Variants in PAPOLA observed in about 807,000 individuals in gnomAD.
The protein encoded by PAPOLA is polynucleotide adenylyltransferase alpha.
PAPOLA carries 15 observed loss-of-function variants against 100.6 expected under a neutral mutation model. The ratio of observed to expected loss-of-function variants is 0.15; its 90% CI spans 0.10 to 0.23. The LOEUF is 0.23. PAPOLA is among the 10% of genes least tolerant of loss of function. PAPOLA has a pLI of 1.00. For synonymous variants in PAPOLA, 293 were observed against 300.0 expected, an observed-to-expected ratio of 0.98 and a Z score of 0.24; for missense variants, 533 against 884.2, an observed-to-expected ratio of 0.60 and a Z score of 5.04.
chr14:96,558,958 C>CT (rs1247239078), intron 19 of PAPOLA, among the ~76,000 whole-genome samples: 1 of 151,012 alleles, frequency 6.6e-6, no homozygotes, highest in East Asian at 1.9e-4. Flanking sequence ...TTTGATATCT[C>CT]TAAGTGTCCT....
chr14:96,560,319 C>T (rs1473169798), intron 19 of PAPOLA: 1 of 190,684 alleles, frequency 5.2e-6, no homozygotes, highest in Non-Finnish European at 1.1e-5. Context: ...TGCCAAGTTC[C>T]TAAAGTTGTA....
At chr14:96,557,345 C>G (rs1450011462) in intron 19 of PAPOLA, among the ~76,000 whole-genome samples, 8 of 152,250 alleles carry the variant, frequency 5.3e-5, no homozygotes, top group Non-Finnish European at 4.4e-5. Flanking sequence ...CTATGCTTTG[C>G]AAGCTGGTAT....
At position 96,547,936 on chromosome 14, in the gene PAPOLA, T is replaced by C; in HGVS notation, c.1521+18T>C. ...AGAAAAAGGTAAATTTAGAAAGTAC[T>C]TACAAAAGCATTACTAACATAATGT... On this transcript the variant is annotated intron_variant, in intron 16 of 21. Transcript: ENST00000216277. 6.3e-7 allele frequency: 1 copy of C among 1,586,342 alleles called. No individual in the cohort carries two copies. Among genetic ancestry groups the C allele is most frequent in the South Asian group, 1.1e-5 (1 of 87,274 alleles).
intron 1 of PAPOLA, among the ~76,000 whole-genome samples, chr14:96,508,817 T>G (rs542239164): frequency 6.6e-6 from 1 of 152,226 alleles, no homozygotes; most frequent in Non-Finnish European, 1.5e-5. Flanking sequence ...AATGCCAGTT[T>G]ATGATTTACA....
intron 6 of PAPOLA, among the ~76,000 whole-genome samples, chr14:96,529,011 G>A (rs1010159534): frequency 1.3e-5 from 2 of 152,012 alleles, no homozygotes; most frequent in African/African-American, 2.4e-5. Flanking sequence ...TTTTTTGGAA[G>A]GAGACCTGAC....
intron 17 of PAPOLA, among the ~76,000 whole-genome samples, chr14:96,555,544 T>C (rs1209055407): frequency 6.6e-6 from 1 of 152,148 alleles, no homozygotes; most frequent in African/African-American, 2.4e-5. Context: ...TCACTAGTCA[T>C]ATTTTAAGTG....
intron 15 of PAPOLA, among the ~76,000 whole-genome samples, chr14:96,544,768 C>G (rs1222789174): frequency 6.6e-6 from 1 of 152,014 alleles, no homozygotes; most frequent in African/African-American, 2.4e-5. Context: ...GAATCTGTGT[C>G]TAACTGCCTT....
intron 1 of PAPOLA, among the ~76,000 whole-genome samples, chr14:96,515,184 C>G (rs955613764): frequency 6.6e-6 from 1 of 152,098 alleles, no homozygotes; most frequent in East Asian, 1.9e-4. Flanking sequence ...GGCATGTATT[C>G]TATGTGAACT....
chr14:96,502,759 T>TCGCC, intron 1 of PAPOLA, 159 bp downstream of exon 1: 1 of 693,154 alleles, frequency 1.4e-6, no homozygotes, highest in Non-Finnish European at 2.1e-6. Context: ...CCTCGCTCGC[T>TCGCC]CGCCGCCGCA....
In PAPOLA at chr14:96,565,277, C is replaced by A; in HGVS notation, c.*227C>A. 2.4e-6 allele frequency: 1 copy of A among 408,778 alleles called. No homozygotes were observed. The allele number at this position is 408,778 out of a possible 1,614,324, so 25.3% of individuals were successfully genotyped here. ...TTAGCAACAGTTGCATTAACTATTT[C>A]AAAAATTACTGCCTTTAAAAAAAAC... is the stretch of plus-strand genomic sequence containing the variant. On this transcript the variant is annotated 3_prime_UTR_variant, in exon 22 of 22. Transcript: ENST00000216277.
intron 16 of PAPOLA, among the ~76,000 whole-genome samples, chr14:96,549,204 G>C (rs1447007349): frequency 7.9e-5 from 12 of 152,036 alleles, no homozygotes. Context: ...TAGATGGGGA[G>C]GGGTCTAAAA....
chr14:96,502,473 G>T lies in PAPOLA; in HGVS notation c.-120G>T. 1.3e-6 allele frequency: 1 copy of T among 766,682 alleles called. No individual in the cohort carries two copies. The allele number at this position is 766,682 out of a possible 1,614,324, so 47.5% of individuals were successfully genotyped here. A position where few individuals can be genotyped will look rare whatever the true frequency, so the allele number is the denominator to read the frequency against. ...AGCGGCGGGAGCGGTGCGGGAGAGG[G>T]GTTGGACCCAGGGCTGAGGCAGGCC... On this transcript the variant is annotated 5_prime_UTR_variant, in exon 1 of 22. Transcript: ENST00000216277.
chr14:96,509,651 T>C (rs1018066713), intron 1 of PAPOLA, among the ~76,000 whole-genome samples: 1 of 152,234 alleles, frequency 6.6e-6, no homozygotes, highest in Non-Finnish European at 1.5e-5. Flanking sequence ...ACCAATGATA[T>C]GGCCTGTTGC....
intron 6 of PAPOLA, among the ~76,000 whole-genome samples, chr14:96,530,993 G>A (rs1426265526): frequency 6.6e-6 from 1 of 151,192 alleles, no homozygotes; most frequent in Non-Finnish European, 1.5e-5. Flanking sequence ...CACTACACCT[G>A]GCTAATTTTT....
At chr14:96,564,387 C>A (rs1026755047) in intron 21 of PAPOLA, among the ~76,000 whole-genome samples, 1 of 151,942 alleles carries the variant, frequency 6.6e-6, no homozygotes, top group African/African-American at 2.4e-5. Flanking sequence ...TTTTAAAGAT[C>A]CATCTCTGTA....
chr14:96,556,377 T>A lies in PAPOLA; in HGVS notation c.1968T>A (p.His656Gln). 1 of 1,613,662 alleles carries A rather than the reference T, an allele frequency of 6.2e-7. No homozygotes were observed. Among genetic ancestry groups the A allele is most frequent in the Non-Finnish European group, 8.5e-7 (1 of 1,179,712 alleles). The change falls in exon 19 of 22, where the codon CAT becomes CAA. Residue 656 changes from histidine to glutamine, a missense_variant. His to Gln is a conservative substitution (Grantham distance 24). This residue lies in a region of PAPOLA where 242 missense variants were observed against 281.0 expected (regional missense o/e 0.86). Transcript: ENST00000216277. ...GAGTCAAGAGGACATCCTCACCTCATAAAGAAGAGAGTCCCAAGAAAACCA... is the reference window on the plus strand; with the variant it reads ...GAGTCAAGAGGACATCCTCACCTCAAAAAGAAGAGAGTCCCAAGAAAACCA... ...IVGVKRTSSPHKEESPKKTKT... is the reference protein window; with the variant it reads ...IVGVKRTSSPQKEESPKKTKT...
In PAPOLA at chr14:96,556,377, T is replaced by C; in HGVS notation, c.1968T>C (p.His656=). The change falls in exon 19 of 22, where the codon CAT becomes CAC. Residue 656 remains histidine, a synonymous_variant. Coordinates refer to ENST00000216277, the MANE Select transcript of PAPOLA (RefSeq NM_032632.5). ...IVGVKRTSSP[H]KEESPKKTKT... is the part of the protein sequence containing the mutation. ...GAGTCAAGAGGACATCCTCACCTCA[T>C]AAAGAAGAGAGTCCCAAGAAAACCA... 1 of 1,613,662 alleles carries C rather than the reference T, an allele frequency of 6.2e-7. No homozygotes were observed. The highest frequency in any genetic ancestry group is 1.1e-5 in the South Asian group (1 of 91,058).
intron 1 of PAPOLA, chr14:96,504,660 C>T (rs538901016): frequency 5.3e-5 from 8 of 152,348 alleles, no homozygotes; most frequent in African/African-American, 1.7e-4. Context: ...TTGATCATGC[C>T]ACTGCGTTCC....
chr14:96,531,698 G>T, intron 7 of PAPOLA, 112 bp downstream of exon 7: 1 of 1,518,822 alleles, frequency 6.6e-7, no homozygotes. Flanking sequence ...ACACAGTAGT[G>T]AGTTAAATAA....
Sources: allele counts gnomAD v4.1 joint callset (sites outside exome capture counted in the v4.1 genomes callset), GRCh38; gene constraint gnomAD v4.1.1; regional missense constraint gnomAD v4.1.1; transcripts MANE v1.5; gene names NCBI Gene and HGNC (gene_info 2026-07-23, HGNC 2026-07-21).